BTN3A3: variants seen among roughly 807,000 people sequenced by gnomAD.
BTN3A3 encodes butyrophilin subfamily 3 member A3.
Under a neutral mutation model 43.2 loss-of-function variants are expected in BTN3A3, and 39 were observed. The observed-to-expected ratio is 0.90, with a 90% CI of 0.70 to 1.18. The LOEUF (loss-of-function observed/expected upper bound fraction) is 1.18. BTN3A3 is among the 50% of genes most tolerant of loss of function. The pLI, the probability that BTN3A3 is intolerant of heterozygous loss-of-function variation, is 0.00. For synonymous variants in BTN3A3, 255 were observed against 272.7 expected (o/e 0.93, Z 0.64); for missense variants, 631 against 722.8 (o/e 0.87, Z 1.46).
rs750455054 is a variant in BTN3A3, at chr6:26,451,801, A to C, written c.1145A>C (p.Tyr382Ser). Residue 382 changes from tyrosine to serine, a missense_variant, in exon 11 of 11, where the codon TAC (tyrosine) becomes TCC (serine). By Grantham distance (144) the Tyr-to-Ser change is moderately radical. Around this residue, in one of 2 missense-constraint regions of BTN3A3, gnomAD observed 551 missense variants for 584.0 expected, o/e 0.94. Transcript: ENST00000244519. ...PDNPERFEWR[Y>S]CVLGCENFTS... The stretch of plus-strand genomic sequence containing the variant: ...AACCCTGAGAGATTTGAATGGCGTT[A>C]CTGTGTCCTTGGCTGTGAAAACTTC... 34 of 1,613,970 alleles carry C rather than the reference A, an allele frequency of 2.1e-5. 2 individuals carry two copies. Among genetic ancestry groups the C allele is most frequent in the Middle Eastern group, 1.6e-4 (1 of 6,084 alleles).
rs200536472 is a variant in BTN3A3 at position 26,444,044 on chromosome 6, T to C, written c.173T>C (p.Met58Thr). ...CTGCCCTGTCACCTGTTCCCGACCA[T>C]GAGTGCAGAGACCATGGAGCTGAGG... Reference protein sequence around the residue: ...ADLPCHLFPTMSAETMELRWV... With the variant: ...ADLPCHLFPTTSAETMELRWV... Residue 58 changes from methionine (M) to threonine (T), a missense_variant, in exon 4 of 11, where the codon ATG becomes ACG. Coordinates refer to ENST00000244519, the MANE Select transcript of BTN3A3 (RefSeq NM_006994.5). 8.7e-6 allele frequency: 14 copies of C among 1,613,932 alleles called. 1 individual carries two copies. The highest frequency in any genetic ancestry group is 1.2e-5 in the Non-Finnish European group (14 of 1,179,832).
intron 5 of BTN3A3, among the ~76,000 whole-genome samples, chr6:26,446,557 G>A (rs1313831191): frequency 6.6e-6 from 1 of 152,188 alleles, no homozygotes; most frequent in African/African-American, 2.4e-5. Flanking sequence ...GGAAGGCAGT[G>A]ACTCTCAGTC....
At position 26,451,901 on chromosome 6, in the gene BTN3A3, C is replaced by T. The variant is rs764672963; in HGVS notation, c.1245C>T (p.Asn415=). ...KEWHIGVCSK[N]VERKKGWVKM... Reference sequence around the variant, plus strand: ...GGCATATTGGGGTATGTAGTAAGAACGTGGAGAGGAAAAAAGGTTGGGTCA... The same window carrying T: ...GGCATATTGGGGTATGTAGTAAGAATGTGGAGAGGAAAAAAGGTTGGGTCA... The change falls in exon 11 of 11, where the codon AAC becomes AAT. Residue 415 remains asparagine, a synonymous_variant. Transcript: ENST00000244519. 3.3e-5 allele frequency: 54 copies of T among 1,613,988 alleles called. No homozygotes were observed. Among genetic ancestry groups the T allele is most frequent in the African/African-American group, 1.2e-4 (9 of 74,950 alleles).
intron 3 of BTN3A3, 32 bp from the exon 4 acceptor site, chr6:26,443,925 C>G (rs761814088): frequency 6.2e-7 from 1 of 1,613,884 alleles, no homozygotes; most frequent in Non-Finnish European, 8.5e-7. Context: ...ACTCCAAAAC[C>G]CTCTGATGGA....
intron 4 of BTN3A3, chr6:26,444,837 T>G: frequency 5.1e-6 from 1 of 195,602 alleles, no homozygotes; most frequent in Non-Finnish European, 1.1e-5. Flanking sequence ...TTAGAGCAGA[T>G]TTATTTTACA....
chr6:26,450,245 T>C (rs1762893766), intron 10 of BTN3A3, 112 bp downstream of exon 10: 5 of 1,339,956 alleles, frequency 3.7e-6, no homozygotes, highest in South Asian at 2.5e-5. Flanking sequence ...CTAAGAAAGT[T>C]TGGGGTAGAC....
At chr6:26,440,851 G>T (rs1762611335) in intron 1 of BTN3A3, 1 of 152,008 alleles carries the variant, frequency 6.6e-6, no homozygotes, top group African/African-American at 2.4e-5. Context: ...CACACATGTG[G>T]GCACATGGAG....
Position 26,443,648 on chromosome 6 carries a change from C to G in BTN3A3, c.74C>G (p.Thr25Ser), listed in dbSNP as rs951351868. 3 of 1,614,238 alleles carry G rather than the reference C, an allele frequency of 1.9e-6. No individual in the cohort carries two copies. In the East Asian group the frequency reaches 6.7e-5, roughly 36 times the overall value. ...HVSLFLVQLLTPCSAQFSVLG... is the reference protein window; with the variant it reads ...HVSLFLVQLLSPCSAQFSVLG... Reference sequence around the variant, plus strand: ...TCCCTCTTCTTGGTCCAGCTGCTCACTCCTTGCTCAGGTAGGGAATGATTC... The same window carrying G: ...TCCCTCTTCTTGGTCCAGCTGCTCAGTCCTTGCTCAGGTAGGGAATGATTC... The change falls in exon 3 of 11, where the codon ACT (threonine) becomes AGT (serine). Residue 25 changes from threonine (T) to serine (S), a missense_variant. Coordinates refer to ENST00000244519, the MANE Select transcript of BTN3A3 (RefSeq NM_006994.5).
At chr6:26,447,092 T>C (rs1762800298) in intron 5 of BTN3A3, among the ~76,000 whole-genome samples, 1 of 152,124 alleles carries the variant, frequency 6.6e-6, no homozygotes, top group South Asian at 2.1e-4. Flanking sequence ...AGATGCTCAC[T>C]GATGGTGAAC....
In BTN3A3 at chr6:26,452,570, T is replaced by G. The variant is rs1483359053; in HGVS notation, c.*159T>G. 7 of 638,946 alleles carry G rather than the reference T, an allele frequency of 1.1e-5. No homozygotes were observed. The highest frequency in any genetic ancestry group is 3.9e-4 in the Middle Eastern group (1 of 2,566). The allele number at this position is 638,946 out of a possible 1,614,324, so 39.6% of individuals were successfully genotyped here. A position where few individuals can be genotyped will look rare whatever the true frequency, so the allele number is the denominator to read the frequency against. Reference sequence around the variant, plus strand: ...GAGCTGGGATCTAAACAGCAATAACTAACATTAACAGAGAATTTAAAATGT... The same window carrying G: ...GAGCTGGGATCTAAACAGCAATAACGAACATTAACAGAGAATTTAAAATGT... On this transcript the variant is annotated 3_prime_UTR_variant, in exon 11 of 11. Transcript: ENST00000244519.
In BTN3A3 at chr6:26,445,734, A is replaced by C. The variant is rs779840810; in HGVS notation, c.464A>C (p.Lys155Thr). Residue 155 changes from lysine (K) to threonine (T), a missense_variant, in exon 5 of 11, where the codon AAG becomes ACG. Around this residue, in one of 2 missense-constraint regions of BTN3A3, gnomAD observed 551 missense variants for 584.0 expected, o/e 0.94. Coordinates refer to ENST00000244519, the MANE Select transcript of BTN3A3 (RefSeq NM_006994.5). ...ALGSDLHIEV[K>T]GYEDGGIHLE... ...GGTTCTGATCTTCACATTGAAGTGA[A>C]GGGTTATGAGGATGGAGGGATCCAT... 1 of 1,614,176 alleles carries C rather than the reference A, an allele frequency of 6.2e-7. No homozygotes were observed.
At position 26,445,831 on chromosome 6, in the gene BTN3A3, C is replaced by T; in HGVS notation, c.561C>T (p.Ile187=). 1.2e-6 allele frequency: 2 copies of T among 1,614,190 alleles called. No homozygotes were observed. The highest frequency in any genetic ancestry group is 1.7e-6 in the Non-Finnish European group (2 of 1,180,036). Residue 187 remains isoleucine (I), a synonymous_variant, in exon 5 of 11, where the codon ATC becomes ATT. Coordinates refer to ENST00000244519, the MANE Select transcript of BTN3A3 (RefSeq NM_006994.5). ...IKWSDTKGEN[I]PAVEAPVVAD... ...GGAGCGACACCAAGGGAGAGAACAT[C>T]CCGGCTGTGGAAGCACCTGTGGTTG...
At position 26,448,264 on chromosome 6, in the gene BTN3A3, C is replaced by T. The variant is rs142420060; in HGVS notation, c.732C>T (p.Ser244=). 68 of 1,613,472 alleles carry T rather than the reference C, an allele frequency of 4.2e-5. No homozygotes were observed. The highest frequency in any genetic ancestry group is 5.3e-5 in the African/African-American group (4 of 74,882). ...SISIADPFFR[S]AQPWIAALAG... is the part of the protein sequence containing the mutation. ...CCTTCGCAGACCCCTTCTTCAGGAG[C>T]GCCCAGCCCTGGATCGCGGCCCTGG... Residue 244 remains serine (S), a synonymous_variant, in exon 6 of 11, where the codon AGC becomes AGT. Transcript: ENST00000244519.
At chr6:26,447,791 TC>T (rs1031458076) in intron 5 of BTN3A3, among the ~76,000 whole-genome samples, 3 of 152,164 alleles carry the variant, frequency 2.0e-5, no homozygotes, top group African/African-American at 7.2e-5. Context: ...ACACTGCTAG[TC>T]ACATAGGGGA....
At chr6:26,449,234 G>A (rs1762864064) in intron 8 of BTN3A3, 1 of 212,170 alleles carries the variant, frequency 4.7e-6, no homozygotes, top group African/African-American at 2.3e-5. Flanking sequence ...AGTTGGTACA[G>A]ATTTATCATA....
chr6:26,442,117 C>A (rs1438596655), intron 1 of BTN3A3, among the ~76,000 whole-genome samples: 1 of 152,128 alleles, frequency 6.6e-6, no homozygotes, highest in African/African-American at 2.4e-5. Context: ...TTCTCTTCAT[C>A]CCTCCCCACC....
chr6:26,448,339 C>G lies in BTN3A3; in HGVS notation c.807C>G (p.Phe269Leu). Residue 269 changes from phenylalanine (F) to leucine (L), a missense_variant, in exon 6 of 11, where the codon TTC (phenylalanine) becomes TTG (leucine). Physicochemically the swap from Phe to Leu is conservative, Grantham distance 22. Coordinates refer to ENST00000244519, the MANE Select transcript of BTN3A3 (RefSeq NM_006994.5). The stretch of plus-strand genomic sequence containing the variant: ...TGCTTCTCGCAGGAGCCAGTTACTT[C>G]TTGTGGAGACAACAGAAGGAAAAAA... ...SLLLLAGASYFLWRQQKEKIA... is the reference protein window; with the variant it reads ...SLLLLAGASYLLWRQQKEKIA... 1 of 1,613,848 alleles carries G rather than the reference C, an allele frequency of 6.2e-7. No individual in the cohort carries two copies. Among genetic ancestry groups the G allele is most frequent in the Admixed American group, 1.7e-5 (1 of 59,982 alleles).
At chr6:26,445,516 C>A in intron 4 of BTN3A3, 188 bp from the exon 5 acceptor site, 1 of 678,948 alleles carries the variant, frequency 1.5e-6, no homozygotes. Flanking sequence ...GGAATAGCCC[C>A]ACATTACTGA....
At chr6:26,449,435 T>G (rs1445306145) in intron 8 of BTN3A3, 2 of 587,770 alleles carry the variant, frequency 3.4e-6, no homozygotes, top group African/African-American at 3.7e-5. Flanking sequence ...TGGACTCCAC[T>G]GGGAAGGAAC....
Sources: allele counts gnomAD v4.1 joint callset (sites outside exome capture counted in the v4.1 genomes callset), GRCh38; gene constraint gnomAD v4.1.1; regional missense constraint gnomAD v4.1.1; transcripts MANE v1.5; gene names NCBI Gene and HGNC (gene_info 2026-07-23, HGNC 2026-07-21).